Variants in PPP1R42 observed in about 807,000 individuals in gnomAD.
The protein encoded by PPP1R42 is leucine rich repeat containing 67.
PPP1R42 carries 34 observed loss-of-function variants against 31.0 expected under a neutral mutation model. The ratio of observed to expected loss-of-function variants is 1.10; its 90% CI spans 0.83 to 1.46. The LOEUF is 1.46. PPP1R42 is among the 40% of genes most tolerant of loss of function. The pLI, the probability that PPP1R42 is intolerant of heterozygous loss-of-function variation, is 0.00. For missense variants in PPP1R42, 268 were observed against 303.0 expected (o/e 0.88, Z 0.86); for synonymous variants, 103 against 109.8 (o/e 0.94, Z 0.39).
chr8:66,965,829 A>C (rs1416530131), intron 7 of PPP1R42, among the ~76,000 whole-genome samples: 1 of 152,052 alleles, frequency 6.6e-6, no homozygotes, highest in Non-Finnish European at 1.5e-5. Context: ...AAGCTGGGGC[A>C]GGAGGATTGC....
At chr8:67,008,671 G>C (rs1038094421) in intron 5 of PPP1R42, among the ~76,000 whole-genome samples, 21 of 146,810 alleles carry the variant, frequency 1.4e-4, no homozygotes, top group African/African-American at 5.4e-4. Context: ...TCACACCACT[G>C]CTCTCCAGCC....
chr8:66,990,283 T>C (rs899888017), intron 5 of PPP1R42, among the ~76,000 whole-genome samples: 1 of 151,174 alleles, frequency 6.6e-6, no homozygotes, highest in Non-Finnish European at 1.5e-5. Context: ...ATACAAACAC[T>C]TAGAGAACGT....
chr8:66,982,112 CT>C lies in PPP1R42; in HGVS notation c.738del (p.Asp247MetfsTer21). The C allele has an allele frequency of 6.7e-7, 1 of 1,490,092 alleles. No individual in the cohort carries two copies. The highest frequency in any genetic ancestry group is 8.8e-7 in the Non-Finnish European group (1 of 1,132,092). The allele number at this position is 1,490,092 out of a possible 1,614,324, so 92.3% of individuals were successfully genotyped here. Reference protein sequence around the residue: ...RQFLMNWKASKDAKKISKKRS... With the variant: ...RQFLMNWKASXDAKKISKKRS... ...CTTTTTTTGCTGATTTTCTTGGCAT[CT>C]TTGGATGCTTTCCAATTCATTAGGA... On this transcript the variant is annotated frameshift_variant, in exon 7 of 8. Transcript: ENST00000685739. LOFTEE classifies it high-confidence loss of function.
chr8:66,975,757 T>C (rs1814652075), intron 7 of PPP1R42, among the ~76,000 whole-genome samples: 1 of 152,300 alleles, frequency 6.6e-6, no homozygotes, highest in East Asian at 1.9e-4. Flanking sequence ...TGAGACATAA[T>C]TGTACATATT....
rs1814635406 is a variant in PPP1R42 at position 66,975,214 on chromosome 8, G to C, written c.802+6835C>G. 2.6e-5 allele frequency among the ~76,000 whole-genome samples: 4 copies of C among 152,148 alleles called. No homozygotes were observed. In the South Asian group the frequency reaches 8.3e-4, roughly 32 times the overall value. On this transcript the variant is annotated intron_variant, in intron 7 of 7. Transcript: ENST00000685739. ...TCTTAATTTCTTTCATCAATGTTTT[G>C]TCGTTTTCAGCATATGTCTTTCACC...
At chr8:66,996,851 T>C (rs942576141) in intron 5 of PPP1R42, among the ~76,000 whole-genome samples, 2 of 152,182 alleles carry the variant, frequency 1.3e-5, no homozygotes, top group African/African-American at 2.4e-5. Flanking sequence ...CTTTCTTCCA[T>C]TGAAATATTG....
intron 5 of PPP1R42, among the ~76,000 whole-genome samples, chr8:67,000,625 T>A (rs2129536570): frequency 6.6e-6 from 1 of 152,210 alleles, no homozygotes; most frequent in South Asian, 2.1e-4. Flanking sequence ...GCCTGGCTAA[T>A]TTTTGTATTT....
intron 7 of PPP1R42, among the ~76,000 whole-genome samples, chr8:66,977,244 T>C (rs963365157): frequency 6.6e-6 from 1 of 151,836 alleles, no homozygotes; most frequent in Non-Finnish European, 1.5e-5. Context: ...CCATCTTGGC[T>C]AGGCTGGTCT....
intron 5 of PPP1R42, among the ~76,000 whole-genome samples, chr8:66,991,208 A>G (rs953578467): frequency 1.3e-5 from 2 of 152,138 alleles, no homozygotes; most frequent in African/African-American, 2.4e-5. Flanking sequence ...AGTTTTATAC[A>G]TTTTTGGAGC....
At chr8:66,975,454 C>T (rs1319608401) in intron 7 of PPP1R42, among the ~76,000 whole-genome samples, 3 of 152,038 alleles carry the variant, frequency 2.0e-5, no homozygotes, top group Non-Finnish European at 4.4e-5. Flanking sequence ...TCAAGACCAG[C>T]CTGGCCAACA....
chr8:67,012,150 T>G (rs1457675534), intron 4 of PPP1R42, among the ~76,000 whole-genome samples: 3 of 152,022 alleles, frequency 2.0e-5, no homozygotes, highest in Non-Finnish European at 4.4e-5. Flanking sequence ...GCAGAAGAAT[T>G]GCTTGAACCG....
At chr8:66,976,611 GTTT>G (rs561585989) in intron 7 of PPP1R42, among the ~76,000 whole-genome samples, 3 of 133,404 alleles carry the variant, frequency 2.2e-5, no homozygotes, top group Non-Finnish European at 1.6e-5. Flanking sequence ...CAACTTTTTG[GTTT>G]TTTTTTTTTT....
chr8:66,986,725 T>C (rs1479877406), intron 6 of PPP1R42, among the ~76,000 whole-genome samples: 3 of 152,362 alleles, frequency 2.0e-5, no homozygotes, highest in African/African-American at 7.2e-5. Flanking sequence ...ATATGGAGAA[T>C]AAGTGCGCAA....
At chr8:66,998,053 A>G (rs998065017) in intron 5 of PPP1R42, among the ~76,000 whole-genome samples, 6 of 152,170 alleles carry the variant, frequency 3.9e-5, no homozygotes, top group Admixed American at 1.3e-4. Context: ...AAATCTCTGT[A>G]CTTTCCTTTC....
chr8:66,982,163 C>A lies in PPP1R42; in HGVS notation c.688G>T (p.Glu230Ter), dbSNP rs909819876. 9 of 1,433,364 alleles carry A rather than the reference C, an allele frequency of 6.3e-6. No homozygotes were observed. Among genetic ancestry groups the A allele is most frequent in the Middle Eastern group, 2.3e-4 (1 of 4,308 alleles). The allele number at this position is 1,433,364 out of a possible 1,614,324, so 88.8% of individuals were successfully genotyped here. A position where few individuals can be genotyped will look rare whatever the true frequency, so the allele number is the denominator to read the frequency against. ...SKSLEFLDGK[E>*]IKNIERQFLM... is the part of the protein sequence containing the mutation. Reference sequence around the variant, plus strand: ...AATTGTCTTTCTATATTTTTAATTTCTTTTCCATCAAGAAATTCTGGAGAA... The same window carrying A: ...AATTGTCTTTCTATATTTTTAATTTATTTTCCATCAAGAAATTCTGGAGAA... Residue 230 changes from glutamate to a stop codon, truncating the protein, a stop_gained, in exon 7 of 8, where the codon GAA becomes TAA. Coordinates refer to ENST00000685739, the MANE Select transcript of PPP1R42 (RefSeq NM_001364910.1). LOFTEE classifies it high-confidence loss of function.
intron 7 of PPP1R42, among the ~76,000 whole-genome samples, chr8:66,979,345 C>T (rs1318465373): frequency 1.3e-5 from 2 of 152,114 alleles, no homozygotes; most frequent in East Asian, 3.8e-4. Context: ...TTAGCTTGGG[C>T]AACACAGTGA....
intron 1 of PPP1R42, among the ~76,000 whole-genome samples, chr8:67,022,982 T>C (rs1816269385): frequency 6.6e-6 from 1 of 152,196 alleles, no homozygotes; most frequent in Non-Finnish European, 1.5e-5. Flanking sequence ...AGCACTGACA[T>C]TTCTCTAATA....
intron 5 of PPP1R42, among the ~76,000 whole-genome samples, chr8:66,991,978 A>G (rs777890115): frequency 6.6e-6 from 1 of 152,170 alleles, no homozygotes; most frequent in Non-Finnish European, 1.5e-5. Flanking sequence ...CTGCATGGCT[A>G]TAGTGTGGAT....
chr8:66,982,691 T>G (rs1245886653), intron 6 of PPP1R42, among the ~76,000 whole-genome samples: 1 of 151,942 alleles, frequency 6.6e-6, no homozygotes, highest in African/African-American at 2.4e-5. Flanking sequence ...CTCCTGAGCT[T>G]AAGCAATCCG....
Sources: allele counts gnomAD v4.1 joint callset (sites outside exome capture counted in the v4.1 genomes callset), GRCh38; gene constraint gnomAD v4.1.1; transcripts MANE v1.5; gene names NCBI Gene and HGNC (gene_info 2026-07-23, HGNC 2026-07-21).